SLC60A1: variants seen among roughly 807,000 people sequenced by gnomAD.
SLC60A1 encodes major facilitator superfamily domain containing 4.
the SLC60A1 span, among the ~76,000 whole-genome samples, chr1:205,597,376 T>TTTTTTTG: frequency 5.7e-5 from 4 of 70,014 alleles, no homozygotes; most frequent in Non-Finnish European, 3.5e-5. Flanking sequence ...CTAGGTTGTT[T>TTTTTTTG]TTTTTTTTTT....
the SLC60A1 span, among the ~76,000 whole-genome samples, chr1:205,579,069 G>A: frequency 6.6e-6 from 1 of 152,088 alleles, no homozygotes; most frequent in Non-Finnish European, 1.5e-5. Context: ...TGAAAAAGGG[G>A]AAGATCAACA....
chr1:205,594,305 CAT>C, the SLC60A1 span, among the ~76,000 whole-genome samples: 1 of 152,252 alleles, frequency 6.6e-6, no homozygotes, highest in Non-Finnish European at 1.5e-5. Context: ...GTAGCTATCA[CAT>C]GTCACACAGT....
At chr1:205,591,442 A>C in the SLC60A1 span, among the ~76,000 whole-genome samples, 148 of 147,472 alleles carry the variant, frequency 1.0e-3, no homozygotes, top group African/African-American at 3.6e-3. Flanking sequence ...AGATTGCACC[A>C]CTGCACTCCA....
chr1:205,572,691 C>T, the SLC60A1 span, among the ~76,000 whole-genome samples: 1 of 152,262 alleles, frequency 6.6e-6, no homozygotes, highest in Middle Eastern at 3.4e-3. Flanking sequence ...AAAGCCTCTG[C>T]CTCTCCCTCC....
chr1:205,575,228 T>C, the SLC60A1 span, among the ~76,000 whole-genome samples: 1 of 152,342 alleles, frequency 6.6e-6, no homozygotes, highest in Non-Finnish European at 1.5e-5. Context: ...CATCCGTGAC[T>C]CTTCCACATT....
At chr1:205,595,319 A>C in the SLC60A1 span, among the ~76,000 whole-genome samples, 104 of 152,194 alleles carry the variant, frequency 6.8e-4, 1 homozygote, top group South Asian at 3.9e-3. Flanking sequence ...CACGTGGTGA[A>C]CCCTCTGCCT....
the SLC60A1 span, among the ~76,000 whole-genome samples, chr1:205,583,782 C>T: frequency 6.6e-6 from 1 of 152,232 alleles, no homozygotes; most frequent in Non-Finnish European, 1.5e-5. Flanking sequence ...CCCACTCCTA[C>T]CTTGGTCAAG....
chr1:205,586,038 C>A, the SLC60A1 span: 1 of 1,596,188 alleles, frequency 6.3e-7, no homozygotes, highest in Non-Finnish European at 8.5e-7. Context: ...CCACAGGGTG[C>A]CTATTCCGCC....
the SLC60A1 span, among the ~76,000 whole-genome samples, chr1:205,597,390 T>G: frequency 1.4e-4 from 20 of 146,820 alleles, 1 homozygote; most frequent in Admixed American, 4.1e-4. Context: ...TTTTTTTTTT[T>G]TTTTTTTTTT....
At chr1:205,599,603 C>G in the SLC60A1 span, among the ~76,000 whole-genome samples, 6 of 152,186 alleles carry the variant, frequency 3.9e-5, no homozygotes, top group Non-Finnish European at 1.5e-5. Flanking sequence ...AGGCAGAGCC[C>G]GACTCCTTGG....
chr1:205,585,048 G>C, the SLC60A1 span: 1 of 1,426,314 alleles, frequency 7.0e-7, no homozygotes, highest in South Asian at 1.1e-5. This position sits in a 1 kb window ranked among gnomAD's most constrained non-coding sequence, Gnocchi z 4.2. Flanking sequence ...CCAGACTCCA[G>C]TCTGGGAAAG....
the SLC60A1 span, chr1:205,580,825 C>A: frequency 6.2e-7 from 1 of 1,614,178 alleles, no homozygotes; most frequent in Non-Finnish European, 8.5e-7. The surrounding 1 kb of genome is among the most constrained non-coding windows in gnomAD (Gnocchi z 5.0). Context: ...ACGTAGATGC[C>A]AAGCCTTGGT....
the SLC60A1 span, chr1:205,600,147 G>T: frequency 4.9e-6 from 2 of 405,494 alleles, no homozygotes; most frequent in Admixed American, 4.1e-5. Context: ...AATATTTGCT[G>T]AACATTAAAT....
chr1:205,599,267 G>A, the SLC60A1 span: 1 of 1,613,360 alleles, frequency 6.2e-7, no homozygotes, highest in Non-Finnish European at 8.5e-7. Context: ...GAAAGTATCT[G>A]TTTCTACACA....
At chr1:205,569,900 C>T in the SLC60A1 span, among the ~76,000 whole-genome samples, 1 of 152,128 alleles carries the variant, frequency 6.6e-6, no homozygotes, top group South Asian at 2.1e-4. Flanking sequence ...TCTGTGTAGC[C>T]CTCCTCCTGA....
chr1:205,585,054 G>A, the SLC60A1 span: 4 of 1,386,632 alleles, frequency 2.9e-6, no homozygotes, highest in South Asian at 2.3e-5. The surrounding 1 kb of genome is among the most constrained non-coding windows in gnomAD (Gnocchi z 4.2). Flanking sequence ...TCCAGTCTGG[G>A]AAAGGCAAGA....
At chr1:205,585,984 T>C in the SLC60A1 span, 7 of 1,519,426 alleles carry the variant, frequency 4.6e-6, no homozygotes, top group African/African-American at 2.8e-5. This position sits in a 1 kb window ranked among gnomAD's most constrained non-coding sequence, Gnocchi z 4.2. Flanking sequence ...GTGAGGGTCA[T>C]TGTCTGGCTG....
At chr1:205,599,220 T>C in the SLC60A1 span, 1 of 1,614,146 alleles carries the variant, frequency 6.2e-7, no homozygotes, top group South Asian at 1.1e-5. Flanking sequence ...TGCTCCTGTT[T>C]TTCCACAGGA....
the SLC60A1 span, among the ~76,000 whole-genome samples, chr1:205,595,680 T>G: frequency 6.6e-6 from 1 of 152,218 alleles, no homozygotes; most frequent in Non-Finnish European, 1.5e-5. Flanking sequence ...TTTTCTCATC[T>G]GTAAAATGGG....
Sources: gnomAD v4.1 joint callset for allele counts (sites outside exome capture counted in the v4.1 genomes callset) on GRCh38, gnomAD v4.1.1 for gene constraint, Gnocchi (gnomAD v3.1) non-coding constraint, MANE v1.5 for transcripts, NCBI Gene and HGNC (gene_info 2026-07-23, HGNC 2026-07-21) for gene names.